RALYL: variants seen among roughly 807,000 people sequenced by gnomAD.
RALYL encodes RALY RNA binding protein like, also known as RNA-binding Raly-like protein.
A neutral mutation model predicts 35.1 loss-of-function variants in RALYL; 29 were observed. The observed-to-expected ratio is 0.83, with a 90% confidence interval of 0.61 to 1.13. RALYL has a LOEUF of 1.13. Among genes scored for constraint, RALYL ranks in the 50% most tolerant of loss-of-function variants. The probability of loss-of-function intolerance (pLI) is 0.00; values close to 1 mark genes in which losing one functional copy is unlikely to be tolerated. For missense variants in RALYL, 359 were observed against 360.4 expected (o/e 1.00, Z 0.03); for synonymous variants, 120 against 127.6 (o/e 0.94, Z 0.40).
chr8:84,650,096 G>A (rs1451725290), intron 2 of RALYL, among the ~76,000 whole-genome samples: 1 of 152,090 alleles, frequency 6.6e-6, no homozygotes, highest in African/African-American at 2.4e-5. Flanking sequence ...TGTTATTGGT[G>A]TATAAGAGTG....
intron 1 of RALYL, among the ~76,000 whole-genome samples, chr8:84,438,620 G>C (rs577928715): frequency 4.0e-5 from 6 of 151,890 alleles, no homozygotes; most frequent in Non-Finnish European, 8.8e-5. Flanking sequence ...TCAGATTCCT[G>C]AGCTCAAGTG....
intron 1 of RALYL, among the ~76,000 whole-genome samples, chr8:84,224,366 T>C (rs1028353036): frequency 1.3e-5 from 2 of 152,160 alleles, no homozygotes; most frequent in African/African-American, 4.8e-5. Context: ...AGTGAATATT[T>C]GCACCGGTGG....
intron 2 of RALYL, among the ~76,000 whole-genome samples, chr8:84,591,214 G>T (rs1174647492): frequency 6.6e-6 from 1 of 152,012 alleles, no homozygotes; most frequent in African/African-American, 2.4e-5. Flanking sequence ...TACCCAACTG[G>T]CATGTTAACA....
chr8:84,287,104 C>T (rs1270986239), intron 1 of RALYL, among the ~76,000 whole-genome samples: 1 of 152,108 alleles, frequency 6.6e-6, no homozygotes, highest in African/African-American at 2.4e-5. Context: ...CAGTGAGGTG[C>T]CTGGAATTTC....
At chr8:84,296,530 A>G (rs1194850085) in intron 1 of RALYL, among the ~76,000 whole-genome samples, 3 of 151,746 alleles carry the variant, frequency 2.0e-5, no homozygotes, top group African/African-American at 7.3e-5. Context: ...TCCAGTTTGC[A>G]GAGCTCTGCA....
chr8:84,535,156 T>C (rs2059511469), intron 2 of RALYL, among the ~76,000 whole-genome samples: 1 of 152,146 alleles, frequency 6.6e-6, no homozygotes, highest in African/African-American at 2.4e-5. Context: ...CAATAAATAA[T>C]ATTAGTATTT....
Position 84,786,328 on chromosome 8 carries a change from C to T in RALYL, c.332+11674C>T, listed in dbSNP as rs554950475. ...CCTTATAATAGAACGATTTCTATTCCTTTGGGTATATACCTAGTAATGGGG... is the reference window on the plus strand; with the variant it reads ...CCTTATAATAGAACGATTTCTATTCTTTTGGGTATATACCTAGTAATGGGG... On this transcript the variant is annotated intron_variant, in intron 3 of 8. Transcript: ENST00000521268. Among the ~76,000 whole-genome samples, 4 of 152,128 alleles carry T rather than the reference C, an allele frequency of 2.6e-5. No homozygotes were observed. In the East Asian group the frequency reaches 7.7e-4, roughly 29 times the overall value.
At chr8:84,579,717 C>A (rs1053167948) in intron 2 of RALYL, among the ~76,000 whole-genome samples, 1 of 152,186 alleles carries the variant, frequency 6.6e-6, no homozygotes, top group East Asian at 1.9e-4. Flanking sequence ...TCTATCTTCT[C>A]ACTTTTTGGA....
chr8:84,212,523 C>T (rs2131184103), intron 1 of RALYL, among the ~76,000 whole-genome samples: 1 of 152,212 alleles, frequency 6.6e-6, no homozygotes, highest in East Asian at 1.9e-4. Context: ...TGAGAACACA[C>T]ATTGATCTCT....
chr8:84,695,548 T>C (rs139165106), intron 2 of RALYL, among the ~76,000 whole-genome samples: 502 of 151,954 alleles, frequency 3.3e-3, no homozygotes, highest in Non-Finnish European at 5.6e-3. Flanking sequence ...TTGAAAACCT[T>C]ATGAATCACA....
At chr8:84,545,456 CAA>C (rs888195540) in intron 2 of RALYL, among the ~76,000 whole-genome samples, 2 of 151,960 alleles carry the variant, frequency 1.3e-5, no homozygotes, top group Non-Finnish European at 2.9e-5. Flanking sequence ...AGATACAGAA[CAA>C]TATTATATTC....
At chr8:84,620,754 A>G (rs1821160711) in intron 2 of RALYL, among the ~76,000 whole-genome samples, 1 of 151,154 alleles carries the variant, frequency 6.6e-6, no homozygotes, top group Admixed American at 6.6e-5. Context: ...GATGATGGTG[A>G]TGTACAGATG....
At position 84,887,597 on chromosome 8, in the gene RALYL, C is replaced by T. The variant is rs376828814; in HGVS notation, c.686-7C>T. ...GGTAGTAGTCATTTGCTTTCTCCCC[C>T]CCCCAGAAGCTCAGAAGAAGCAATT... On this transcript the variant is annotated splice_polypyrimidine_tract_variant and splice_region_variant and intron_variant, in intron 7 of 8. Transcript: ENST00000521268. 2.4e-5 allele frequency: 39 copies of T among 1,599,724 alleles called. No individual in the cohort carries two copies. Among genetic ancestry groups the T allele is most frequent in the Admixed American group, 7.0e-5 (4 of 56,956 alleles).
chr8:84,191,071 G>T (rs1320132454), intron 1 of RALYL, among the ~76,000 whole-genome samples: 3 of 151,726 alleles, frequency 2.0e-5, no homozygotes, highest in African/African-American at 7.3e-5. Context: ...TAAAATCCAT[G>T]AATTTTTGAA....
At chr8:84,774,451 T>G (rs1026433969) in intron 2 of RALYL, 128 bp from the exon 3 acceptor site, 1 of 653,156 alleles carries the variant, frequency 1.5e-6, no homozygotes, top group Non-Finnish European at 2.7e-6. Flanking sequence ...AAACATATGT[T>G]GAATGAATCA....
At chr8:84,417,197 AG>A in intron 1 of RALYL, among the ~76,000 whole-genome samples, 1 of 152,110 alleles carries the variant, frequency 6.6e-6, no homozygotes, top group South Asian at 2.1e-4. Context: ...TGCTCTGGTT[AG>A]GAGAAGAAAA....
At chr8:84,515,187 T>A (rs185585538) in intron 1 of RALYL, among the ~76,000 whole-genome samples, 14 of 152,348 alleles carry the variant, frequency 9.2e-5, no homozygotes, top group African/African-American at 3.4e-4. Context: ...CTTCACAGTG[T>A]TCACCTAGAA....
intron 2 of RALYL, among the ~76,000 whole-genome samples, chr8:84,640,413 T>A (rs1214298704): frequency 6.6e-6 from 1 of 151,958 alleles, no homozygotes; most frequent in Non-Finnish European, 1.5e-5. Context: ...ACCTGAAAAT[T>A]AAATCTGATG....
chr8:84,331,381 A>G (rs1193634733), intron 1 of RALYL, among the ~76,000 whole-genome samples: 4 of 152,144 alleles, frequency 2.6e-5, no homozygotes, highest in Non-Finnish European at 4.4e-5. Flanking sequence ...GTAACACTGG[A>G]GCCACAGCAT....
Sources: gnomAD v4.1 joint callset for allele counts (sites outside exome capture counted in the v4.1 genomes callset) on GRCh38, gnomAD v4.1.1 for gene constraint, MANE v1.5 for transcripts, NCBI Gene and HGNC (gene_info 2026-07-23, HGNC 2026-07-21) for gene names.